SGCD: variants seen among roughly 807,000 people sequenced by gnomAD.
The protein encoded by SGCD is delta-sarcoglycan.
In SGCD, 18 loss-of-function variants were observed where a neutral mutation model predicts 36.6. The ratio of observed to expected loss-of-function variants is 0.49; its 90% confidence interval spans 0.34 to 0.73. The LOEUF is 0.73. Among genes scored for constraint, SGCD ranks in the 30% least tolerant of loss-of-function variants. SGCD has a pLI of 0.01. For missense variants in SGCD, 387 were observed against 346.7 expected, an observed-to-expected ratio of 1.12 and a Z score of -0.92; for synonymous variants, 133 against 130.6, an observed-to-expected ratio of 1.02 and a Z score of -0.12.
At chr5:155,953,761 C>G (rs1161250408) in intron 1 of SGCD, among the ~76,000 whole-genome samples, 1 of 152,188 alleles carries the variant, frequency 6.6e-6, no homozygotes, top group Non-Finnish European at 1.5e-5. Context: ...TCCCTCCGAC[C>G]TAGGCAACTA....
chr5:156,570,604 T>C (rs2113286609), intron 4 of SGCD, among the ~76,000 whole-genome samples: 2 of 152,364 alleles, frequency 1.3e-5, no homozygotes, highest in South Asian at 4.1e-4. Flanking sequence ...TAAATACTGT[T>C]TTGTCTAATA....
chr5:156,238,465 A>G (rs549292166), intron 3 of SGCD, among the ~76,000 whole-genome samples: 1 of 152,278 alleles, frequency 6.6e-6, no homozygotes, highest in African/African-American at 2.4e-5. Context: ...ATTACCTTTC[A>G]TCACCATTGG....
the SGCD span, among the ~76,000 whole-genome samples, chr5:155,768,453 G>T: frequency 6.6e-6 from 1 of 152,194 alleles, no homozygotes; most frequent in East Asian, 1.9e-4. Context: ...TTTTTGAGGG[G>T]CTCAGAATCC....
At chr5:156,677,364 A>G (rs373991555) in intron 7 of SGCD, among the ~76,000 whole-genome samples, 1 of 152,210 alleles carries the variant, frequency 6.6e-6, no homozygotes, top group East Asian at 1.9e-4. Flanking sequence ...TGTCCTTTGC[A>G]GGGACATGGA....
chr5:156,426,842 C>T (rs1773693891), intron 3 of SGCD, among the ~76,000 whole-genome samples: 1 of 152,068 alleles, frequency 6.6e-6, no homozygotes, highest in African/African-American at 2.4e-5. Context: ...TGTTGAAAAT[C>T]AGTTGACTGT....
At chr5:156,073,196 C>T (rs184960127) in intron 1 of SGCD, among the ~76,000 whole-genome samples, 127 of 152,194 alleles carry the variant, frequency 8.3e-4, no homozygotes, top group Admixed American at 2.0e-3. Context: ...AAAAATGACA[C>T]GACGGAGTAG....
At chr5:156,547,728 C>T (rs907814703) in intron 4 of SGCD, among the ~76,000 whole-genome samples, 3 of 152,020 alleles carry the variant, frequency 2.0e-5, no homozygotes, top group Non-Finnish European at 4.4e-5. Context: ...AGGCACGAGC[C>T]GATAATATCA....
intron 3 of SGCD, among the ~76,000 whole-genome samples, chr5:156,444,164 C>T (rs950910557): frequency 1.1e-3 from 157 of 137,440 alleles, no homozygotes; most frequent in African/African-American, 4.4e-3. Context: ...CTCCTTCCCT[C>T]TCTCTCTCTC....
intron 3 of SGCD, among the ~76,000 whole-genome samples, chr5:156,359,982 A>G (rs898395080): frequency 3.3e-5 from 5 of 152,248 alleles, no homozygotes; most frequent in Non-Finnish European, 1.5e-5. Flanking sequence ...TTCTTGGTTC[A>G]TTTTCCATTT....
chr5:156,199,890 C>T (rs1224233146), intron 3 of SGCD, among the ~76,000 whole-genome samples: 1 of 152,076 alleles, frequency 6.6e-6, no homozygotes, highest in African/African-American at 2.4e-5. Flanking sequence ...TGTGTCCACT[C>T]TTAGGGCCTC....
upstream of SGCD, among the ~76,000 whole-genome samples, chr5:156,322,695 G>A (rs1486980383): frequency 1.3e-5 from 2 of 152,272 alleles, no homozygotes; most frequent in African/African-American, 4.8e-5. Context: ...CTGTCCAGAA[G>A]GTGAGAACAG....
At chr5:156,570,414 G>C (rs1759672346) in intron 4 of SGCD, among the ~76,000 whole-genome samples, 1 of 152,166 alleles carries the variant, frequency 6.6e-6, no homozygotes, top group Non-Finnish European at 1.5e-5. Context: ...TTTTCTAATA[G>C]ATTTTTGTTA....
chr5:156,203,797 G>A (rs1383769553), intron 3 of SGCD, among the ~76,000 whole-genome samples: 2 of 152,084 alleles, frequency 1.3e-5, no homozygotes, highest in African/African-American at 2.4e-5. Flanking sequence ...ACAGGACCCA[G>A]ATATTCAGGA....
At chr5:156,121,309 A>G (rs1000481509) in intron 2 of SGCD, among the ~76,000 whole-genome samples, 9 of 152,186 alleles carry the variant, frequency 5.9e-5, no homozygotes, top group Non-Finnish European at 1.3e-4. Flanking sequence ...TGATTTACCT[A>G]TGACTTCATT....
intron 2 of SGCD, among the ~76,000 whole-genome samples, chr5:156,334,473 C>T (rs917756584): frequency 8.5e-5 from 13 of 152,176 alleles, no homozygotes; most frequent in Non-Finnish European, 1.6e-4. Context: ...TTATATAGAG[C>T]CAAATCTTCA....
chr5:156,364,052 C>A (rs555848333), intron 3 of SGCD, among the ~76,000 whole-genome samples: 1 of 152,182 alleles, frequency 6.6e-6, no homozygotes, highest in East Asian at 1.9e-4. Context: ...CTGGGCTGTG[C>A]AGGGAGGTAT....
At chr5:156,625,636 G>T (rs561524159) in intron 6 of SGCD, among the ~76,000 whole-genome samples, 9 of 152,302 alleles carry the variant, frequency 5.9e-5, no homozygotes, top group African/African-American at 1.9e-4. Flanking sequence ...AATTCTATCT[G>T]TAAATCTCTG....
intron 1 of SGCD, among the ~76,000 whole-genome samples, chr5:155,882,306 T>C (rs1755903576): frequency 6.6e-6 from 1 of 152,052 alleles, no homozygotes; most frequent in Non-Finnish European, 1.5e-5. Flanking sequence ...CTCAAACTTC[T>C]GGGCTCAAGG....
chr5:156,584,253 C>A (rs180858921), intron 4 of SGCD, among the ~76,000 whole-genome samples: 1 of 152,296 alleles, frequency 6.6e-6, no homozygotes, highest in Admixed American at 6.5e-5. Flanking sequence ...TGTCTCTCCC[C>A]TAACAAGGTC....
Sources: gnomAD v4.1 joint callset for allele counts (sites outside exome capture counted in the v4.1 genomes callset) on GRCh38, gnomAD v4.1.1 for gene constraint, MANE v1.5 for transcripts, NCBI Gene and HGNC (gene_info 2026-07-23, HGNC 2026-07-21) for gene names.